Variants in GRIK1 observed in about 807,000 individuals in gnomAD.
GRIK1 encodes glutamate receptor ionotropic, kainate 1.
A neutral mutation model predicts 105.7 loss-of-function variants in GRIK1; 69 were observed. The ratio of observed to expected loss-of-function variants is 0.65; its 90% CI spans 0.54 to 0.80. The LOEUF (loss-of-function observed/expected upper bound fraction) is 0.80, where lower values mean the gene tolerates loss of function less well. GRIK1 is among the 30% of genes least tolerant of loss of function. The pLI, the probability that GRIK1 is intolerant of heterozygous loss-of-function variation, is 0.00. For synonymous variants in GRIK1, 438 were observed against 431.3 expected, an observed-to-expected ratio of 1.02 and a Z score of -0.19; for missense variants, 1,109 against 1,167.3, an observed-to-expected ratio of 0.95 and a Z score of 0.73.
At chr21:29,825,022 G>T (rs905159501) in intron 1 of GRIK1, among the ~76,000 whole-genome samples, 2 of 151,960 alleles carry the variant, frequency 1.3e-5, no homozygotes, top group East Asian at 3.9e-4. Flanking sequence ...ATAGGAAAAT[G>T]TTTAATATAT....
At chr21:29,701,909 A>C (rs2063819505) in intron 1 of GRIK1, among the ~76,000 whole-genome samples, 2 of 152,202 alleles carry the variant, frequency 1.3e-5, no homozygotes, top group South Asian at 4.1e-4. Flanking sequence ...GGATAACATC[A>C]GGTTTTTGGC....
chr21:29,656,717 A>G (rs184400736), intron 4 of GRIK1, among the ~76,000 whole-genome samples: 32 of 152,344 alleles, frequency 2.1e-4, no homozygotes, highest in East Asian at 1.4e-3. Context: ...GAAGGTGCCT[A>G]AGATATGTGA....
At chr21:29,792,512 C>T (rs1010020880) in intron 1 of GRIK1, among the ~76,000 whole-genome samples, 1 of 152,184 alleles carries the variant, frequency 6.6e-6, no homozygotes, top group Non-Finnish European at 1.5e-5. Flanking sequence ...AATCCTAGAG[C>T]ATTGTCAAAA....
At chr21:29,641,384 A>G (rs35335153) in intron 7 of GRIK1, among the ~76,000 whole-genome samples, 2,957 of 152,286 alleles carry the variant, frequency 0.019, 100 homozygotes, top group African/African-American at 0.068. Context: ...CTTGCCTGCC[A>G]CCATGTAGAC....
At chr21:29,687,783 T>C (rs955353200) in intron 3 of GRIK1, among the ~76,000 whole-genome samples, 2 of 152,250 alleles carry the variant, frequency 1.3e-5, no homozygotes, top group Non-Finnish European at 2.9e-5. Flanking sequence ...TTACTAATTA[T>C]ATTTTGTCTA....
chr21:29,618,203 G>A (rs1270061548), intron 7 of GRIK1, among the ~76,000 whole-genome samples: 1 of 152,152 alleles, frequency 6.6e-6, no homozygotes, highest in Non-Finnish European at 1.5e-5. Context: ...TGTACACATG[G>A]CTGCATGAAA....
chr21:29,777,829 C>A (rs997636395), intron 1 of GRIK1, among the ~76,000 whole-genome samples: 2 of 152,110 alleles, frequency 1.3e-5, no homozygotes, highest in Admixed American at 1.3e-4. Context: ...GAAAGAAAAA[C>A]GAATCCACAG....
chr21:29,653,379 G>A (rs1485426880), intron 5 of GRIK1, among the ~76,000 whole-genome samples: 1 of 152,198 alleles, frequency 6.6e-6, no homozygotes, highest in Non-Finnish European at 1.5e-5. Flanking sequence ...AAGAATGTCA[G>A]AAGTCTAAAA....
chr21:29,588,747 A>C, intron 11 of GRIK1, 92 bp downstream of exon 11: 1 of 787,734 alleles, frequency 1.3e-6, no homozygotes, highest in South Asian at 1.7e-5. Flanking sequence ...GTTACGATTC[A>C]AAAAAAGGAA....
intron 1 of GRIK1, among the ~76,000 whole-genome samples, chr21:29,766,813 T>C (rs1009696720): frequency 1.1e-4 from 16 of 152,224 alleles, no homozygotes; most frequent in Admixed American, 9.8e-4. Context: ...CTCTTTGAAA[T>C]GGCTTCCCTC....
At chr21:29,619,708 C>A (rs575315823) in intron 7 of GRIK1, among the ~76,000 whole-genome samples, 2 of 152,264 alleles carry the variant, frequency 1.3e-5, no homozygotes, top group South Asian at 4.1e-4. Context: ...TACTGTACCA[C>A]TTGGTGAATT....
intron 1 of GRIK1, among the ~76,000 whole-genome samples, chr21:29,753,900 C>G (rs537625447): frequency 6.6e-6 from 1 of 151,976 alleles, no homozygotes; most frequent in Non-Finnish European, 1.5e-5. Flanking sequence ...ATCATATGTA[C>G]GTTGAGCAAA....
At position 29,638,242 on chromosome 21, in the gene GRIK1, C is replaced by T. The variant is rs908184621; in HGVS notation, c.1098+4584G>A. ...GGCCTCAGGAAACTTACAATCATGGCGGAAGGGGAAGTAGGTATGTCTTAC... is the reference window on the plus strand; with the variant it reads ...GGCCTCAGGAAACTTACAATCATGGTGGAAGGGGAAGTAGGTATGTCTTAC... On this transcript the variant is annotated intron_variant, in intron 7 of 17. Coordinates refer to ENST00000327783, the MANE Select transcript of GRIK1 (RefSeq NM_001330994.2). Among the ~76,000 whole-genome samples, 10 of 151,634 alleles carry T rather than the reference C, an allele frequency of 6.6e-5. No homozygotes were observed. The East Asian group carries it at 9.7e-4, about 15-fold the overall frequency.
intron 1 of GRIK1, among the ~76,000 whole-genome samples, chr21:29,885,608 A>G (rs891529348): frequency 1.3e-5 from 2 of 152,132 alleles, no homozygotes; most frequent in African/African-American, 4.8e-5. Context: ...AGTGACAAAT[A>G]CTGCCAAAAT....
At chr21:29,596,956 A>G (rs1476212961) in intron 8 of GRIK1, among the ~76,000 whole-genome samples, 1 of 151,432 alleles carries the variant, frequency 6.6e-6, no homozygotes, top group East Asian at 1.9e-4. Flanking sequence ...CAATCAATAC[A>G]CACACACACA....
chr21:29,585,816 AT>A (rs1374526522), intron 12 of GRIK1, among the ~76,000 whole-genome samples: 2 of 152,200 alleles, frequency 1.3e-5, no homozygotes, highest in East Asian at 3.8e-4. Flanking sequence ...AAGGTAAACA[AT>A]TTATTTTTAA....
chr21:29,837,195 A>T (rs1158591826), intron 1 of GRIK1, among the ~76,000 whole-genome samples: 2 of 152,162 alleles, frequency 1.3e-5, no homozygotes, highest in African/African-American at 4.8e-5. Flanking sequence ...ATTTTCTGGT[A>T]TCTCTCTCTC....
chr21:29,665,305 T>C (rs532853711), intron 4 of GRIK1, among the ~76,000 whole-genome samples: 1 of 152,322 alleles, frequency 6.6e-6, no homozygotes, highest in South Asian at 2.1e-4. Flanking sequence ...CTCGTAACTA[T>C]GAACCGCTCC....
chr21:29,896,095 A>G (rs1056827293), intron 1 of GRIK1, among the ~76,000 whole-genome samples: 1 of 152,200 alleles, frequency 6.6e-6, no homozygotes, highest in Non-Finnish European at 1.5e-5. Flanking sequence ...TCCTATAGCT[A>G]CAATAGAGAA....
Sources: allele counts gnomAD v4.1 joint callset (sites outside exome capture counted in the v4.1 genomes callset), GRCh38; gene constraint gnomAD v4.1.1; transcripts MANE v1.5; gene names NCBI Gene and HGNC (gene_info 2026-07-23, HGNC 2026-07-21).